The following CEP152 variants were observed in gnomAD, a reference collection of about 807,000 sequenced individuals.
CEP152 encodes centrosomal protein 152, also known as centrosomal protein of 152 kDa.
In CEP152, 132 loss-of-function variants were observed where a neutral mutation model predicts 188.9. The ratio of observed to expected loss-of-function variants is 0.70; its 90% confidence interval spans 0.61 to 0.81. The LOEUF is 0.81. Ranked by LOEUF, CEP152 falls within the 30% of genes least tolerant of loss-of-function variation. The pLI is 0.00. For synonymous variants in CEP152, 649 were observed against 666.6 expected (o/e 0.97, Z 0.41); for missense variants, 1,914 against 1,969.8 (o/e 0.97, Z 0.54).
In CEP152 at chr15:48,760,247, T is replaced by G; in HGVS notation, c.2582A>C (p.Asn861Thr). 1 of 1,614,062 alleles carries G rather than the reference T, an allele frequency of 6.2e-7. No homozygotes were observed. The highest frequency in any genetic ancestry group is 2.2e-5 in the East Asian group (1 of 44,874). ...TTCTCCCAGCCATCGCTGATGAGCA[T>G]TTTGCACAGCTATTTCTACCTGTAG... ...ITKQVEIAVQ[N>T]AHQRWLGELP... The change falls in exon 19 of 27, where the codon AAT becomes ACT. Residue 861 changes from asparagine to threonine, a missense_variant. Physicochemically the swap from Asn to Thr is moderately conservative, Grantham distance 65. Transcript: ENST00000380950.
Position 48,762,405 on chromosome 15 carries a change from T to C in CEP152, c.2548A>G (p.Asn850Asp). 1 of 1,614,062 alleles carries C rather than the reference T, an allele frequency of 6.2e-7. No individual in the cohort carries two copies. The highest frequency in any genetic ancestry group is 8.5e-7 in the Non-Finnish European group (1 of 1,179,956). Residue 850 changes from asparagine (N) to aspartate (D), a missense_variant, in exon 18 of 27, where the codon AAT (asparagine) becomes GAT (aspartate). Asn to Asp is a conservative substitution (Grantham distance 23, BLOSUM62 1). Coordinates refer to ENST00000380950, the MANE Select transcript of CEP152 (RefSeq NM_001194998.2). The part of the protein sequence containing the change: ...EIELELKHCE[N>D]ITKQVEIAVQ... ...CTGCCTTTTACCTGTTTGGTAATAT[T>C]TTCACAATGTTTGAGTTCCAATTCA...
rs1896450519 is a variant in CEP152, at chr15:48,783,979, G to C, written c.1315C>G (p.Gln439Glu). Residue 439 changes from glutamine to glutamate, a missense_variant, in exon 10 of 27, where the codon CAG becomes GAG. Coordinates refer to ENST00000380950, the MANE Select transcript of CEP152 (RefSeq NM_001194998.2). Reference sequence around the variant, plus strand: ...GGACCTACCAGACACCTACCGGACTGCAACAAGTGGGCACACTGCTTTTGA... The same window carrying C: ...GGACCTACCAGACACCTACCGGACTCCAACAAGTGGGCACACTGCTTTTGA... ...ESQKQCAHLLQSGSVQEVAQL... is the reference protein window; with the variant it reads ...ESQKQCAHLLESGSVQEVAQL... 1.9e-6 allele frequency: 3 copies of C among 1,613,544 alleles called. No individual in the cohort carries two copies.
intron 14 of CEP152, among the ~76,000 whole-genome samples, 174 bp downstream of exon 14, chr15:48,768,782 A>G (rs1455574985): frequency 1.3e-5 from 2 of 152,212 alleles, no homozygotes; most frequent in Non-Finnish European, 2.9e-5. Flanking sequence ...TTCCAATGAA[A>G]CTACTAACCA....
chr15:48,734,652 T>C (rs973793715), downstream of CEP152, among the ~76,000 whole-genome samples: 3 of 147,828 alleles, frequency 2.0e-5, no homozygotes, highest in Non-Finnish European at 4.5e-5. Context: ...AATTAAAAGA[T>C]ACAAATAGGT....
At chr15:48,754,409 C>T (rs187385142) in intron 20 of CEP152, among the ~76,000 whole-genome samples, 39 of 152,072 alleles carry the variant, frequency 2.6e-4, no homozygotes, top group African/African-American at 8.0e-4. Context: ...TTATAAAAAT[C>T]GAAACATGCT....
chr15:48,791,487 T>C (rs1896985845), intron 7 of CEP152, 111 bp from the exon 8 acceptor site: 3 of 968,228 alleles, frequency 3.1e-6, no homozygotes, highest in Non-Finnish European at 3.1e-6. Context: ...TTGAATTAAA[T>C]TTAATTCAGA....
At chr15:48,762,296 T>A in intron 18 of CEP152, 95 bp downstream of exon 18, 2 of 1,193,512 alleles carry the variant, frequency 1.7e-6, no homozygotes, top group Non-Finnish European at 2.5e-6. Context: ...CTTAAAAGTA[T>A]AAAGTTATGA....
At chr15:48,794,573 A>G (rs1897175895) in intron 6 of CEP152, among the ~76,000 whole-genome samples, 1 of 152,214 alleles carries the variant, frequency 6.6e-6, no homozygotes, top group Admixed American at 6.5e-5. Flanking sequence ...ACTACCATTA[A>G]GTTATTTAAT....
At chr15:48,731,057 T>C (rs950542761) in intron 2 of CEP152, among the ~76,000 whole-genome samples, 1 of 152,200 alleles carries the variant, frequency 6.6e-6, no homozygotes, top group African/African-American at 2.4e-5. Context: ...AAAGGACAAA[T>C]ACTGCATGAT....
downstream of CEP152, among the ~76,000 whole-genome samples, chr15:48,735,281 G>A (rs1304037196): frequency 1.3e-5 from 2 of 152,160 alleles, no homozygotes; most frequent in Non-Finnish European, 2.9e-5. Flanking sequence ...AAAATCGCAA[G>A]GGAAGTTTGA....
At chr15:48,745,767 G>A (rs1893361824) in intron 22 of CEP152, among the ~76,000 whole-genome samples, 1 of 152,154 alleles carries the variant, frequency 6.6e-6, no homozygotes, top group Non-Finnish European at 1.5e-5. Flanking sequence ...ATGAATTTCA[G>A]AGTCAGAGAC....
rs760857250 is a variant in CEP152, at chr15:48,741,956, C to T, written c.3980G>A (p.Gly1327Glu). The change falls in exon 25 of 27, where the codon GGA becomes GAA. Residue 1327 changes from glycine to glutamate, a missense_variant. Transcript: ENST00000380950. ...ICLQQILQDD[G>E]KEGAEKKIMN... ...TTCAGACTGAACTCACCCTTCTTTT[C>T]CATCATCCTGCAAAATCTGTTGGAG... The T allele has an allele frequency of 5.6e-6, 9 of 1,614,182 alleles. No individual in the cohort carries two copies. Among genetic ancestry groups the T allele is most frequent in the Non-Finnish European group, 7.6e-6 (9 of 1,180,014 alleles).
At chr15:48,808,829 A>G (rs534542024) in intron 1 of CEP152, among the ~76,000 whole-genome samples, 2 of 152,336 alleles carry the variant, frequency 1.3e-5, no homozygotes, top group South Asian at 4.1e-4. Flanking sequence ...GCCACTAGTA[A>G]AAATACTGAA....
intron 7 of CEP152, among the ~76,000 whole-genome samples, chr15:48,792,315 C>T (rs983320145): frequency 1.3e-5 from 2 of 152,126 alleles, no homozygotes; most frequent in African/African-American, 4.8e-5. Flanking sequence ...CTTAAATTCA[C>T]CTAATGTTAA....
rs80239443 is a variant in CEP152 at position 48,772,697 on chromosome 15, G to C, written c.1578-6C>G. The C allele has an allele frequency of 1.9e-4, 310 of 1,610,730 alleles. 2 individuals are homozygous for C. The East Asian group carries it at 6.1e-3, about 32-fold the overall frequency. The stretch of plus-strand genomic sequence containing the variant: ...GGTCTTCTTCTTGTACAATGCTAAT[G>C]GAGAAATTGTGATTTTTAACATTAA... On this transcript the variant is annotated splice_polypyrimidine_tract_variant and splice_region_variant and intron_variant, in intron 12 of 26. Transcript: ENST00000380950.
chr15:48,762,761 C>T, intron 17 of CEP152, 89 bp from the exon 18 acceptor site: 1 of 1,325,588 alleles, frequency 7.5e-7, no homozygotes, highest in Non-Finnish European at 1.1e-6. Context: ...GCAACCACAG[C>T]TGTGTTTGAA....
intron 12 of CEP152, among the ~76,000 whole-genome samples, chr15:48,779,126 A>G (rs903721446): frequency 6.6e-6 from 1 of 152,252 alleles, no homozygotes; most frequent in Non-Finnish European, 1.5e-5. Flanking sequence ...AGAAACTAAA[A>G]GTAATCACAA....
At chr15:48,756,631 G>A in intron 19 of CEP152, 78 bp from the exon 20 acceptor site, 5 of 1,360,858 alleles carry the variant, frequency 3.7e-6, no homozygotes, top group East Asian at 2.3e-5. Flanking sequence ...TAACTATTTT[G>A]GTTAACCTCT....
intron 2 of CEP152, among the ~76,000 whole-genome samples, chr15:48,799,707 C>T (rs1475139696): frequency 2.0e-5 from 3 of 151,990 alleles, no homozygotes; most frequent in Non-Finnish European, 4.4e-5. Flanking sequence ...ACAAAAGACA[C>T]AACATGAAAA....
Sources: allele counts gnomAD v4.1 joint callset (sites outside exome capture counted in the v4.1 genomes callset), GRCh38; gene constraint gnomAD v4.1.1; transcripts MANE v1.5; gene names NCBI Gene and HGNC (gene_info 2026-07-23, HGNC 2026-07-21).